Variants in SHISA9 observed in about 807,000 individuals in gnomAD.
The protein encoded by SHISA9 is protein shisa-9.
Under a neutral mutation model 38.0 loss-of-function variants are expected in SHISA9, and 13 were observed. The ratio of observed to expected loss-of-function variants is 0.34; its 90% CI spans 0.22 to 0.54. SHISA9 has a LOEUF of 0.54. SHISA9 is among the 20% of genes least tolerant of loss of function. SHISA9 has a pLI of 0.91. For missense variants in SHISA9, 538 were observed against 575.8 expected, an observed-to-expected ratio of 0.93 and a Z score of 0.67; for synonymous variants, 275 against 242.0, an observed-to-expected ratio of 1.14 and a Z score of -1.27.
intron 2 of SHISA9, among the ~76,000 whole-genome samples, chr16:13,062,894 C>T (rs1465986505): frequency 2.0e-5 from 3 of 152,232 alleles, no homozygotes; most frequent in East Asian, 1.9e-4. Context: ...CCCTGGTACC[C>T]TGATCCTGGC....
chr16:12,929,521 C>T (rs968248843), intron 2 of SHISA9, among the ~76,000 whole-genome samples: 4 of 152,072 alleles, frequency 2.6e-5, no homozygotes, highest in African/African-American at 9.7e-5. Context: ...CCATTATCCT[C>T]AGCAAACCAA....
intron 4 of SHISA9, among the ~76,000 whole-genome samples, chr16:13,220,809 C>T (rs1410243395): frequency 6.6e-6 from 1 of 152,142 alleles, no homozygotes; most frequent in Non-Finnish European, 1.5e-5. Context: ...CCACCGTTGT[C>T]CAGTAGCCTT....
At chr16:13,206,038 T>C (rs2051060726) in intron 3 of SHISA9, among the ~76,000 whole-genome samples, 1 of 151,952 alleles carries the variant, frequency 6.6e-6, no homozygotes, top group Non-Finnish European at 1.5e-5. Flanking sequence ...GTGCTGAGAT[T>C]ACAGGTGTGA....
chr16:12,915,054 C>G (rs1462402859), intron 1 of SHISA9, among the ~76,000 whole-genome samples: 1 of 152,178 alleles, frequency 6.6e-6, no homozygotes, highest in African/African-American at 2.4e-5. Flanking sequence ...AGTGTGTGGG[C>G]TTAGAGGGCT....
At chr16:12,968,556 T>C (rs566391326) in intron 2 of SHISA9, among the ~76,000 whole-genome samples, 1 of 152,320 alleles carries the variant, frequency 6.6e-6, no homozygotes, top group East Asian at 1.9e-4. Flanking sequence ...TGCTTTGTAA[T>C]CGTAAAATGA....
the SHISA9 span, among the ~76,000 whole-genome samples, chr16:13,389,735 C>T: frequency 6.6e-6 from 1 of 152,152 alleles, no homozygotes; most frequent in Admixed American, 6.5e-5. Flanking sequence ...TCTTAGGTCT[C>T]TAAAGTCCCA....
At chr16:13,370,388 C>G in the SHISA9 span, among the ~76,000 whole-genome samples, 7 of 152,122 alleles carry the variant, frequency 4.6e-5, 1 homozygote, top group Admixed American at 3.9e-4. Flanking sequence ...ACAAGAAATG[C>G]CTTGGCCCAA....
chr16:13,279,629 A>C, the SHISA9 span, among the ~76,000 whole-genome samples: 2 of 151,924 alleles, frequency 1.3e-5, no homozygotes, highest in Admixed American at 1.3e-4. Flanking sequence ...TCTACAACTG[A>C]TGGATGTAGA....
At chr16:12,997,573 AT>A (rs2141838255) in intron 2 of SHISA9, among the ~76,000 whole-genome samples, 1 of 151,812 alleles carries the variant, frequency 6.6e-6, no homozygotes, top group East Asian at 1.9e-4. Context: ...AACCTGGCTA[AT>A]TTTTGTATTT....
chr16:12,957,622 T>C (rs912780578), intron 2 of SHISA9, among the ~76,000 whole-genome samples: 8 of 152,116 alleles, frequency 5.3e-5, no homozygotes, highest in African/African-American at 1.9e-4. Context: ...TAGGATCACA[T>C]TGAGGGGTAG....
At position 13,033,469 on chromosome 16, in the gene SHISA9, C is replaced by T. The variant is rs867981374; in HGVS notation, c.691+116654C>T. On this transcript the variant is annotated intron_variant, in intron 2 of 4. Transcript: ENST00000558583. ...TTCAGAAGCCTTTCTTTTTCTGCTT[C>T]TCTAATCCACATGATCTTCATAATC... Among the ~76,000 whole-genome samples, 2 of 152,306 alleles carry T rather than the reference C, an allele frequency of 1.3e-5. 1 individual carries two copies. The highest frequency in any genetic ancestry group is 4.1e-4 in the South Asian group (2 of 4,822).
intron 2 of SHISA9, among the ~76,000 whole-genome samples, chr16:13,097,681 G>C (rs1369087129): frequency 6.6e-6 from 1 of 152,182 alleles, no homozygotes; most frequent in African/African-American, 2.4e-5. Context: ...TGGAATGACA[G>C]GTGGGAGTCA....
chr16:13,071,598 T>TCCC (rs1329686953), intron 2 of SHISA9, among the ~76,000 whole-genome samples: 1 of 143,276 alleles, frequency 7.0e-6, no homozygotes, highest in Non-Finnish European at 1.5e-5. Flanking sequence ...CCTTCCTTCC[T>TCCC]TCCCTTTCTT....
At chr16:13,544,426 C>CTTT in the SHISA9 span, among the ~76,000 whole-genome samples, 1 of 46,682 alleles carries the variant, frequency 2.1e-5, no homozygotes, top group African/African-American at 1.0e-4. Flanking sequence ...TTTTTTTTTT[C>CTTT]TTGTTTTTTT....
intron 2 of SHISA9, among the ~76,000 whole-genome samples, chr16:12,980,306 C>T (rs1006343728): frequency 6.6e-6 from 1 of 152,048 alleles, no homozygotes; most frequent in Non-Finnish European, 1.5e-5. Context: ...TTTGAGGTCT[C>T]GTACATCTGA....
intron 2 of SHISA9, among the ~76,000 whole-genome samples, chr16:12,990,710 G>T (rs2072373597): frequency 6.6e-6 from 1 of 152,168 alleles, no homozygotes; most frequent in Non-Finnish European, 1.5e-5. Flanking sequence ...GAGCAGGGAT[G>T]CTGGTATACA....
At chr16:13,518,475 T>A in the SHISA9 span, among the ~76,000 whole-genome samples, 1 of 152,128 alleles carries the variant, frequency 6.6e-6, no homozygotes. Flanking sequence ...TATCATCTTT[T>A]TCCTCAATCT....
At chr16:13,561,159 G>A in the SHISA9 span, among the ~76,000 whole-genome samples, 6 of 152,158 alleles carry the variant, frequency 3.9e-5, no homozygotes, top group Admixed American at 6.5e-5. Flanking sequence ...GGGCCGCCGC[G>A]CCTGGCCTTA....
At chr16:13,007,509 C>T (rs1369697480) in intron 2 of SHISA9, among the ~76,000 whole-genome samples, 1 of 152,196 alleles carries the variant, frequency 6.6e-6, no homozygotes, top group Non-Finnish European at 1.5e-5. Flanking sequence ...ACTTATCTCT[C>T]CCCTGCAGCC....
Sources: gnomAD v4.1 joint callset for allele counts (sites outside exome capture counted in the v4.1 genomes callset) on GRCh38, gnomAD v4.1.1 for gene constraint, MANE v1.5 for transcripts, NCBI Gene and HGNC (gene_info 2026-07-23, HGNC 2026-07-21) for gene names.